CMIP: variants seen among roughly 807,000 people sequenced by gnomAD.
CMIP encodes the protein C-Maf-inducing protein.
CMIP carries 13 observed loss-of-function variants against 97.3 expected under a neutral mutation model. The ratio of observed to expected loss-of-function variants is 0.13; its 90% CI spans 0.09 to 0.21. The LOEUF is 0.21. CMIP is among the 10% of genes least tolerant of loss of function. CMIP has a pLI of 1.00. For synonymous variants in CMIP, 538 were observed against 436.3 expected (o/e 1.23, Z -2.91); for missense variants, 847 against 1,024.9 (o/e 0.83, Z 2.37).
At chr16:81,596,100 A>G (rs1031314651) in intron 1 of CMIP, among the ~76,000 whole-genome samples, 1 of 152,160 alleles carries the variant, frequency 6.6e-6, no homozygotes. Flanking sequence ...GGGTATGAGT[A>G]TAATCTCACT....
At chr16:81,666,090 G>A (rs1354792185) in intron 7 of CMIP, 1 of 152,222 alleles carries the variant, frequency 6.6e-6, no homozygotes, top group Non-Finnish European at 1.5e-5. Context: ...GGGGGATGGG[G>A]CGGGGTTTCT....
intron 1 of CMIP, among the ~76,000 whole-genome samples, chr16:81,556,610 A>T (rs1451220443): frequency 6.6e-6 from 1 of 152,168 alleles, no homozygotes; most frequent in Non-Finnish European, 1.5e-5. Context: ...GGGAGCCGGG[A>T]GTTGGTGTTC....
chr16:81,704,164 A>G (rs1479021629), intron 18 of CMIP, 79 bp downstream of exon 18: 2 of 1,146,996 alleles, frequency 1.7e-6, no homozygotes, highest in Non-Finnish European at 2.3e-6. Context: ...CCCCCGTACC[A>G]TCTTCCTTTC....
chr16:81,516,084 C>T (rs527987158), intron 1 of CMIP, among the ~76,000 whole-genome samples: 6 of 152,298 alleles, frequency 3.9e-5, no homozygotes, highest in Admixed American at 6.5e-5. Flanking sequence ...CCATTGCCCC[C>T]GTTTGGGTTC....
At chr16:81,483,537 C>G (rs1056586460) in intron 1 of CMIP, among the ~76,000 whole-genome samples, 2 of 152,230 alleles carry the variant, frequency 1.3e-5, no homozygotes, top group South Asian at 4.1e-4. Context: ...CGAAGTGCCT[C>G]CTGGCTTGCC....
chr16:81,582,129 A>G (rs1027676823), intron 1 of CMIP, among the ~76,000 whole-genome samples: 3 of 152,104 alleles, frequency 2.0e-5, no homozygotes, highest in African/African-American at 7.2e-5. Flanking sequence ...CAATACCAAG[A>G]GGGATGGTAT....
At chr16:81,465,635 C>T (rs1907157164) in intron 1 of CMIP, among the ~76,000 whole-genome samples, 1 of 152,232 alleles carries the variant, frequency 6.6e-6, no homozygotes, top group South Asian at 2.1e-4. Context: ...AGAGAAATTC[C>T]CCAGCGAGCT....
rs1358773279 is a variant in CMIP at position 81,526,177 on chromosome 16, C to T, written c.300+80636C>T. Among the ~76,000 whole-genome samples, 9 of 152,154 alleles carry T rather than the reference C, an allele frequency of 5.9e-5. No homozygotes were observed. The East Asian group carries it at 1.5e-3, about 26-fold the overall frequency. On this transcript the variant is annotated intron_variant, in intron 1 of 20. Coordinates refer to ENST00000537098, the MANE Select transcript of CMIP (RefSeq NM_198390.3). ...TACCTAGGTGCAGAGAGCATTTTCTCGTCAGGAGTAAAACAAAAGGGACAA... is the reference window on the plus strand; with the variant it reads ...TACCTAGGTGCAGAGAGCATTTTCTTGTCAGGAGTAAAACAAAAGGGACAA...
intron 20 of CMIP, 35 bp downstream of exon 20, chr16:81,707,119 CCTT>C: frequency 8.2e-6 from 13 of 1,579,918 alleles, no homozygotes; most frequent in East Asian, 2.2e-5. Flanking sequence ...CTCCTCCCCT[CCTT>C]CTTCTAGCCA....
intron 14 of CMIP, chr16:81,696,985 A>G (rs986172503): frequency 5.0e-6 from 2 of 399,568 alleles, no homozygotes; most frequent in Admixed American, 4.3e-5. Context: ...GTTACTGCCT[A>G]AGGTCACACA....
chr16:81,582,667 A>G (rs1042950858), intron 1 of CMIP, among the ~76,000 whole-genome samples: 6 of 151,812 alleles, frequency 4.0e-5, no homozygotes, highest in Non-Finnish European at 5.9e-5. Context: ...CCACACTCTA[A>G]CTCTTTGGTT....
In CMIP at chr16:81,642,803, G is replaced by A. The variant is rs181760353; in HGVS notation, c.478-9400G>A. ...CCCAGCTACTCGGGAGGCGGAGGCAGGAGAATCGCTTGAACCCGGGAGGCG... is the reference window on the plus strand; with the variant it reads ...CCCAGCTACTCGGGAGGCGGAGGCAAGAGAATCGCTTGAACCCGGGAGGCG... On this transcript the variant is annotated intron_variant, in intron 3 of 20. Transcript: ENST00000537098. 3.3e-5 allele frequency among the ~76,000 whole-genome samples: 5 copies of A among 152,286 alleles called. No individual in the cohort carries two copies. The East Asian group carries it at 5.8e-4, about 18-fold the overall frequency.
chr16:81,473,230 G>A (rs1158267570), intron 1 of CMIP, among the ~76,000 whole-genome samples: 1 of 152,182 alleles, frequency 6.6e-6, no homozygotes, highest in Non-Finnish European at 1.5e-5. Context: ...AACAGGCTGC[G>A]GCTGTCACTG....
chr16:81,633,254 G>A (rs1175016378), intron 3 of CMIP, among the ~76,000 whole-genome samples: 1 of 152,220 alleles, frequency 6.6e-6, no homozygotes, highest in African/African-American at 2.4e-5. Context: ...AGCCAGTGGT[G>A]GGCAGTGGAG....
intron 2 of CMIP, among the ~76,000 whole-genome samples, chr16:81,613,804 A>G (rs145138759): frequency 1.3e-5 from 2 of 152,270 alleles, no homozygotes; most frequent in African/African-American, 4.8e-5. Context: ...CCGCCCACCC[A>G]TCCATTTATC....
chr16:81,653,357 A>C (rs2092449854), intron 4 of CMIP, among the ~76,000 whole-genome samples: 2 of 152,138 alleles, frequency 1.3e-5, no homozygotes, highest in South Asian at 4.1e-4. Context: ...GGGGCCTGGC[A>C]CCGGCCCTCC....
At chr16:81,536,913 T>G (rs1282809768) in intron 1 of CMIP, among the ~76,000 whole-genome samples, 2 of 152,080 alleles carry the variant, frequency 1.3e-5, no homozygotes, top group Non-Finnish European at 2.9e-5. Flanking sequence ...CCCCACCCCC[T>G]GCCCTGCACC....
intron 1 of CMIP, among the ~76,000 whole-genome samples, chr16:81,501,135 C>CTGGAGAACGCAGTAATTTGTGTTG (rs2089603139): frequency 6.6e-6 from 1 of 152,218 alleles, no homozygotes; most frequent in Admixed American, 6.5e-5. Context: ...CAGCGTCCTC[C>CTGGAGAACGCAGTAATTTGTGTTG]GTTTTCCTGG....
At chr16:81,469,514 C>T (rs544884019) in intron 1 of CMIP, among the ~76,000 whole-genome samples, 131 of 152,244 alleles carry the variant, frequency 8.6e-4, no homozygotes, top group African/African-American at 2.9e-3. Context: ...TTATTACTGC[C>T]GTTACCACTG....
Sources: allele counts gnomAD v4.1 joint callset (sites outside exome capture counted in the v4.1 genomes callset), GRCh38; gene constraint gnomAD v4.1.1; transcripts MANE v1.5; gene names NCBI Gene and HGNC (gene_info 2026-07-23, HGNC 2026-07-21).